NCOR2: variants seen among roughly 807,000 people sequenced by gnomAD.
NCOR2 encodes nuclear receptor corepressor 2.
NCOR2 carries 81 observed loss-of-function variants against 262.9 expected under a neutral mutation model. That is an observed-to-expected ratio of 0.31 (90% confidence interval 0.26 to 0.37). The LOEUF (loss-of-function observed/expected upper bound fraction) is 0.37. Ranked by LOEUF, NCOR2 falls within the 10% of genes least tolerant of loss-of-function variation. The pLI is 1.00. For synonymous variants in NCOR2, 1,659 were observed against 1,559.3 expected (o/e 1.06, Z -1.51); for missense variants, 3,385 against 3,621.4 (o/e 0.93, Z 1.68).
chr12:124,473,429 C>T (rs1309317312), intron 3 of NCOR2, among the ~76,000 whole-genome samples: 1 of 152,166 alleles, frequency 6.6e-6, no homozygotes. Context: ...ATCTTTCTCC[C>T]GTGCTGGATG....
intron 1 of NCOR2, among the ~76,000 whole-genome samples, chr12:124,524,429 A>G (rs1202828034): frequency 6.6e-6 from 1 of 152,198 alleles, no homozygotes; most frequent in Non-Finnish European, 1.5e-5. Flanking sequence ...TCACTCAAAC[A>G]AGAGAAAGGA....
Position 124,357,443 on chromosome 12 carries a change from C to T in NCOR2, c.3101-661G>A, listed in dbSNP as rs150821895. On this transcript the variant is annotated intron_variant, in intron 22 of 46. Coordinates refer to ENST00000405201, the Ensembl canonical transcript of NCOR2. Reference sequence around the variant, plus strand: ...AGCTGGGACTACAAGCACGTGTCACCACACCATGCTTGGCTAGTTTATATT... The same window carrying T: ...AGCTGGGACTACAAGCACGTGTCACTACACCATGCTTGGCTAGTTTATATT... Among the ~76,000 whole-genome samples, 3 of 152,296 alleles carry T rather than the reference C, an allele frequency of 2.0e-5. No homozygotes were observed. The East Asian group carries it at 5.8e-4, about 29-fold the overall frequency.
At chr12:124,525,914 T>A (rs186947820) in intron 1 of NCOR2, among the ~76,000 whole-genome samples, 2 of 152,344 alleles carry the variant, frequency 1.3e-5, no homozygotes, top group African/African-American at 4.8e-5. Flanking sequence ...CTAAGGCTGC[T>A]GCAAAGAGTA....
chr12:124,369,618 G>A (rs1023652035), intron 20 of NCOR2, among the ~76,000 whole-genome samples: 2 of 152,154 alleles, frequency 1.3e-5, no homozygotes, highest in African/African-American at 4.8e-5. Context: ...GCCAGGACGA[G>A]GTCAGCAGGC....
intron 1 of NCOR2, among the ~76,000 whole-genome samples, chr12:124,535,083 G>T (rs1042808830): frequency 1.3e-5 from 2 of 152,246 alleles, no homozygotes; most frequent in African/African-American, 2.4e-5. Context: ...GATAAGACCA[G>T]GACCCAGGCC....
chr12:124,461,089 T>G (rs1053718479), intron 5 of NCOR2, among the ~76,000 whole-genome samples: 3 of 152,234 alleles, frequency 2.0e-5, no homozygotes, highest in Non-Finnish European at 2.9e-5. Context: ...ACCTTCCGGC[T>G]GGGAGGCTGG....
At chr12:124,438,730 G>C (rs1745206158) in intron 7 of NCOR2, among the ~76,000 whole-genome samples, 1 of 149,492 alleles carries the variant, frequency 6.7e-6, no homozygotes, top group Non-Finnish European at 1.5e-5. Context: ...CAGAGAGACA[G>C]GGAAACAGAG....
chr12:124,337,361 T>G, intron 37 of NCOR2, 181 bp from the exon 40 acceptor site: 1 of 768,442 alleles, frequency 1.3e-6, no homozygotes, highest in Non-Finnish European at 2.2e-6. Context: ...TCCCACTCAT[T>G]CGTTCATTCA....
intron 17 of NCOR2, among the ~76,000 whole-genome samples, chr12:124,380,016 G>A (rs551597681): frequency 6.6e-6 from 1 of 152,338 alleles, no homozygotes; most frequent in East Asian, 1.9e-4. Context: ...TCCAGAATTG[G>A]AAGAGAATAC....
chr12:124,493,373 C>T (rs913862038), intron 1 of NCOR2, among the ~76,000 whole-genome samples: 41 of 152,320 alleles, frequency 2.7e-4, no homozygotes, highest in African/African-American at 8.9e-4. Flanking sequence ...GACCAAGGAA[C>T]GGCAGCAGCA....
At chr12:124,513,701 T>G (rs1341552511) in intron 1 of NCOR2, 3 of 152,190 alleles carry the variant, frequency 2.0e-5, no homozygotes, top group Non-Finnish European at 4.4e-5. Context: ...AACTAAGGTA[T>G]GTGGAATGCT....
exon 29 of NCOR2, chr12:124,348,208 G>T: frequency 6.2e-7 from 1 of 1,612,446 alleles, no homozygotes; most frequent in Non-Finnish European, 8.5e-7. Context: ...CTCTGCCCAC[G>T]CGGCCCTCCA....
At chr12:124,434,121 T>C (rs1464138363) in intron 8 of NCOR2, among the ~76,000 whole-genome samples, 1 of 151,828 alleles carries the variant, frequency 6.6e-6, no homozygotes, top group African/African-American at 2.4e-5. Flanking sequence ...GCTGTGCTGG[T>C]GCTGAGGATC....
At position 124,466,294 on chromosome 12, in the gene NCOR2, G is replaced by A. The variant is rs757793081; in HGVS notation, c.592-8C>T. 4 of 1,603,666 alleles carry A rather than the reference G, an allele frequency of 2.5e-6. No homozygotes were observed. Among genetic ancestry groups the A allele is most frequent in the Non-Finnish European group, 3.4e-6 (4 of 1,178,470 alleles). ...CTCCTCCTCCAGCTGTTGCTGTGGG[G>A]AGAGGCAGAACGTGAGGGATGAGCA... is the stretch of plus-strand genomic sequence containing the variant. On this transcript the variant is annotated splice_polypyrimidine_tract_variant and splice_region_variant and intron_variant, in intron 4 of 46. Transcript: ENST00000405201.
At chr12:124,398,777 T>C (rs1027237507) in intron 15 of NCOR2, among the ~76,000 whole-genome samples, 2 of 152,164 alleles carry the variant, frequency 1.3e-5, no homozygotes, top group South Asian at 2.1e-4. Flanking sequence ...CGTCCCCTAG[T>C]GGGGGAGTAA....
At chr12:124,429,409 C>T (rs1158220055) in intron 10 of NCOR2, 1 of 601,010 alleles carries the variant, frequency 1.7e-6, no homozygotes, top group Non-Finnish European at 3.0e-6. Flanking sequence ...CCCTCCCTCT[C>T]AGACACATTA....
chr12:124,350,149 C>T (rs1008168227), intron 28 of NCOR2, among the ~76,000 whole-genome samples: 3 of 152,306 alleles, frequency 2.0e-5, no homozygotes, highest in East Asian at 1.9e-4. Flanking sequence ...AGGGTCTCCT[C>T]GTTCTGGAAC....
intron 3 of NCOR2, among the ~76,000 whole-genome samples, chr12:124,475,638 G>A (rs1429549386): frequency 6.6e-6 from 1 of 152,234 alleles, no homozygotes; most frequent in African/African-American, 2.4e-5. Flanking sequence ...AACACACTGA[G>A]GGCCAGATTT....
At chr12:124,442,974 C>T (rs758161986) in intron 7 of NCOR2, among the ~76,000 whole-genome samples, 2 of 152,204 alleles carry the variant, frequency 1.3e-5, no homozygotes, top group Non-Finnish European at 2.9e-5. Flanking sequence ...CAAGGAACGC[C>T]AAGGAGGCCG....
Sources: gnomAD v4.1 joint callset for allele counts (sites outside exome capture counted in the v4.1 genomes callset) on GRCh38, gnomAD v4.1.1 for gene constraint, MANE v1.5 for transcripts, NCBI Gene and HGNC (gene_info 2026-07-23, HGNC 2026-07-21) for gene names.